DCC: variants seen among roughly 807,000 people sequenced by gnomAD.
DCC encodes DCC netrin 1 receptor, also known as netrin receptor DCC.
In DCC, 58 loss-of-function variants were observed where a neutral mutation model predicts 172.5. The ratio of observed to expected loss-of-function variants is 0.34; its 90% CI spans 0.27 to 0.42. The LOEUF (loss-of-function observed/expected upper bound fraction) is 0.42, where lower values mean the gene tolerates loss of function less well. Ranked by LOEUF, DCC falls within the 10% of genes least tolerant of loss-of-function variation. DCC has a pLI of 1.00. For synonymous variants in DCC, 709 were observed against 644.5 expected, an observed-to-expected ratio of 1.10 and a Z score of -1.52; for missense variants, 1,740 against 1,791.0, an observed-to-expected ratio of 0.97 and a Z score of 0.51.
chr18:52,497,344 C>CATAT (rs11273813), intron 1 of DCC, among the ~76,000 whole-genome samples: 868 of 34,200 alleles, frequency 0.025, 119 homozygotes, highest in African/African-American at 0.11. Flanking sequence ...CACACGTATG[C>CATAT]ATATATATAT....
At chr18:52,925,932 G>T (rs912771247) in intron 5 of DCC, among the ~76,000 whole-genome samples, 6 of 144,336 alleles carry the variant, frequency 4.2e-5, no homozygotes, top group Non-Finnish European at 7.7e-5. Context: ...CCAAAAGGCA[G>T]GGTTACCCAT....
At chr18:52,655,203 T>C (rs2035222348) in intron 1 of DCC, among the ~76,000 whole-genome samples, 1 of 152,182 alleles carries the variant, frequency 6.6e-6, no homozygotes, top group Admixed American at 6.5e-5. Flanking sequence ...GCACAGTTGT[T>C]GTTGATGAAC....
chr18:53,358,883 T>C (rs1471936265), intron 15 of DCC, among the ~76,000 whole-genome samples: 1 of 152,174 alleles, frequency 6.6e-6, no homozygotes, highest in Non-Finnish European at 1.5e-5. Flanking sequence ...ATAAGATTAT[T>C]TCATGAAAAG....
chr18:52,443,180 T>C (rs1988022134), intron 1 of DCC, among the ~76,000 whole-genome samples: 3 of 152,280 alleles, frequency 2.0e-5, no homozygotes, highest in South Asian at 2.1e-4. Context: ...TTCAATATTG[T>C]GATGTTGTTA....
intron 7 of DCC, among the ~76,000 whole-genome samples, chr18:53,076,518 T>A (rs149078141): frequency 2.6e-5 from 4 of 152,166 alleles, no homozygotes; most frequent in Admixed American, 1.3e-4. Flanking sequence ...GTTGTTGATA[T>A]GTGATAGGAT....
chr18:53,279,406 C>A (rs1250023566), intron 12 of DCC, among the ~76,000 whole-genome samples: 5 of 147,976 alleles, frequency 3.4e-5, no homozygotes, highest in Non-Finnish European at 7.4e-5. Flanking sequence ...GACAAAAAAC[C>A]AAATACCGCA....
intron 1 of DCC, among the ~76,000 whole-genome samples, chr18:52,730,024 C>T (rs988558253): frequency 2.6e-5 from 4 of 152,138 alleles, no homozygotes; most frequent in African/African-American, 7.2e-5. Flanking sequence ...TGAGTAAAAT[C>T]CACTTATTTC....
At chr18:53,380,693 T>TGAA (rs1247897222) in intron 15 of DCC, among the ~76,000 whole-genome samples, 1 of 152,196 alleles carries the variant, frequency 6.6e-6, no homozygotes, top group African/African-American at 2.4e-5. Context: ...TAGGTAGTTC[T>TGAA]GCATTACTTT....
At chr18:52,973,647 C>G (rs1235719066) in intron 5 of DCC, among the ~76,000 whole-genome samples, 11 of 152,088 alleles carry the variant, frequency 7.2e-5, no homozygotes, top group Admixed American at 7.2e-4. Context: ...CCTGAAGAGA[C>G]CTTAGTGATC....
intron 1 of DCC, among the ~76,000 whole-genome samples, chr18:52,549,979 T>C (rs768638872): frequency 1.3e-5 from 2 of 151,974 alleles, no homozygotes; most frequent in African/African-American, 4.8e-5. Flanking sequence ...GAGTAACCTA[T>C]GGAAAGACCA....
chr18:52,874,167 A>G (rs1276526120), intron 2 of DCC, among the ~76,000 whole-genome samples: 2 of 152,222 alleles, frequency 1.3e-5, no homozygotes, highest in African/African-American at 2.4e-5. Context: ...AATGTTTTCA[A>G]TAGATCAAGG....
intron 21 of DCC, among the ~76,000 whole-genome samples, chr18:53,431,291 T>A (rs888595933): frequency 7.4e-5 from 11 of 149,524 alleles, no homozygotes; most frequent in South Asian, 2.1e-4. Flanking sequence ...TTTTTTTTTT[T>A]ATGAAATTAG....
chr18:52,583,559 G>T (rs190772376), intron 1 of DCC, among the ~76,000 whole-genome samples: 4 of 152,022 alleles, frequency 2.6e-5, no homozygotes, highest in Non-Finnish European at 5.9e-5. Flanking sequence ...ATTGCATTAT[G>T]ACCTATTACT....
intron 2 of DCC, among the ~76,000 whole-genome samples, chr18:52,765,889 T>C (rs1272722888): frequency 6.6e-6 from 1 of 152,202 alleles, no homozygotes; most frequent in Non-Finnish European, 1.5e-5. Flanking sequence ...TATTAATGGC[T>C]ATGAGATAGT....
chr18:53,209,331 A>G (rs545986259), intron 11 of DCC, among the ~76,000 whole-genome samples: 2 of 152,322 alleles, frequency 1.3e-5, no homozygotes, highest in African/African-American at 4.8e-5. Flanking sequence ...ACGAAAACTC[A>G]GGCAGGTGCA....
intron 15 of DCC, among the ~76,000 whole-genome samples, chr18:53,353,478 T>A (rs2057836580): frequency 6.6e-6 from 1 of 152,118 alleles, no homozygotes; most frequent in South Asian, 2.1e-4. Flanking sequence ...CAGTTAGCAA[T>A]TTTGGTGCTC....
chr18:53,416,449 A>G, intron 21 of DCC: 1 of 555,888 alleles, frequency 1.8e-6, no homozygotes, highest in South Asian at 1.9e-5. Flanking sequence ...GCACTTCTGA[A>G]TAATTCACAT....
intron 27 of DCC, among the ~76,000 whole-genome samples, chr18:53,509,347 T>C (rs922570732): frequency 2.0e-5 from 3 of 152,242 alleles, no homozygotes; most frequent in African/African-American, 7.2e-5. Flanking sequence ...ATTTGAGATA[T>C]AAATATTAAC....
intron 1 of DCC, among the ~76,000 whole-genome samples, chr18:52,582,438 G>C (rs2033570939): frequency 6.6e-6 from 1 of 152,108 alleles, no homozygotes; most frequent in Non-Finnish European, 1.5e-5. Flanking sequence ...CAGTTCTGCT[G>C]GTTATTTAGC....
Sources: gnomAD v4.1 joint callset for allele counts (sites outside exome capture counted in the v4.1 genomes callset) on GRCh38, gnomAD v4.1.1 for gene constraint, MANE v1.5 for transcripts, NCBI Gene and HGNC (gene_info 2026-07-23, HGNC 2026-07-21) for gene names.